FBLN5: variants seen among roughly 807,000 people sequenced by gnomAD.
The protein encoded by FBLN5 is fibulin-5.
In FBLN5, 24 loss-of-function variants were observed where a neutral mutation model predicts 61.6. The observed-to-expected ratio is 0.39, with a 90% confidence interval of 0.28 to 0.55. FBLN5 has a LOEUF of 0.55. Among genes scored for constraint, FBLN5 ranks in the 20% least tolerant of loss-of-function variants. FBLN5 has a pLI of 0.65. For synonymous variants in FBLN5, 213 were observed against 219.8 expected (o/e 0.97, Z 0.27); for missense variants, 470 against 594.1 (o/e 0.79, Z 2.17).
At chr14:91,906,244 C>A (rs2254085) in intron 4 of FBLN5, among the ~76,000 whole-genome samples, 36 of 152,180 alleles carry the variant, frequency 2.4e-4, no homozygotes, top group Admixed American at 4.6e-4. Context: ...CCTCTCCCCA[C>A]GCTTCTACCC....
At chr14:91,916,576 A>G (rs1389652448) in intron 4 of FBLN5, among the ~76,000 whole-genome samples, 3 of 152,222 alleles carry the variant, frequency 2.0e-5, no homozygotes. Context: ...TGGGGGCAGT[A>G]TCAGTACTTG....
chr14:91,894,420 A>AAAAAAAAAAAG, intron 5 of FBLN5, among the ~76,000 whole-genome samples: 2 of 142,452 alleles, frequency 1.4e-5, no homozygotes, highest in Non-Finnish European at 3.1e-5. Context: ...AAAAAAAAAA[A>AAAAAAAAAAAG]AAAAAAACCG....
chr14:91,934,449 G>A (rs2055979348), intron 4 of FBLN5, among the ~76,000 whole-genome samples: 1 of 152,158 alleles, frequency 6.6e-6, no homozygotes, highest in Non-Finnish European at 1.5e-5. Context: ...TGAGGATCAA[G>A]CGCATTAATT....
intron 9 of FBLN5, 44 bp from the exon 10 acceptor site, chr14:91,877,726 AG>A: frequency 6.6e-7 from 1 of 1,520,242 alleles, no homozygotes; most frequent in South Asian, 1.1e-5. Context: ...AATCCATTCC[AG>A]GTGCTGGCTG....
chr14:91,925,265 C>G (rs1473255611), intron 4 of FBLN5, among the ~76,000 whole-genome samples: 1 of 152,250 alleles, frequency 6.6e-6, no homozygotes, highest in African/African-American at 2.4e-5. Flanking sequence ...TGGCTGCCTG[C>G]AGCAGGGCCC....
intron 4 of FBLN5, among the ~76,000 whole-genome samples, chr14:91,926,583 A>G (rs748600448): frequency 1.3e-5 from 2 of 152,120 alleles, no homozygotes; most frequent in Non-Finnish European, 2.9e-5. Context: ...TCAAGACATG[A>G]TCACGAATTG....
chr14:91,944,319 G>C (rs2056152000), intron 1 of FBLN5, among the ~76,000 whole-genome samples: 1 of 152,226 alleles, frequency 6.6e-6, no homozygotes, highest in Admixed American at 6.5e-5. Context: ...CAAGCGTTAG[G>C]GAGGATGTGG....
chr14:91,895,347 C>T (rs1890178682), intron 4 of FBLN5, among the ~76,000 whole-genome samples: 1 of 152,224 alleles, frequency 6.6e-6, no homozygotes, highest in African/African-American at 2.4e-5. Context: ...TATGCCATTG[C>T]TCTTTGAAGG....
chr14:91,942,882 TA>T, intron 2 of FBLN5, 24 bp downstream of exon 2: 1 of 1,451,852 alleles, frequency 6.9e-7, no homozygotes, highest in South Asian at 1.2e-5. Context: ...CGCTTGTAGA[TA>T]TTTTTTAAAA....
chr14:91,889,591 C>T (rs1889891828), intron 6 of FBLN5, among the ~76,000 whole-genome samples: 1 of 152,234 alleles, frequency 6.6e-6, no homozygotes, highest in Admixed American at 6.5e-5. Context: ...AAACACCTGC[C>T]TGCTGACCTC....
chr14:91,925,186 T>C (rs994177827), intron 4 of FBLN5, among the ~76,000 whole-genome samples: 9 of 152,352 alleles, frequency 5.9e-5, no homozygotes, highest in African/African-American at 1.9e-4. Context: ...TCAGACAGCA[T>C]TGACAAGACC....
chr14:91,945,443 C>G (rs1307461223), intron 1 of FBLN5, among the ~76,000 whole-genome samples: 1 of 152,108 alleles, frequency 6.6e-6, no homozygotes, highest in Non-Finnish European at 1.5e-5. Context: ...AAAGAAATAC[C>G]TATTGGGTGC....
At chr14:91,918,864 C>T (rs2055674966) in intron 4 of FBLN5, among the ~76,000 whole-genome samples, 1 of 152,094 alleles carries the variant, frequency 6.6e-6, no homozygotes, top group Admixed American at 6.5e-5. Flanking sequence ...GTAAGTGGCA[C>T]AAGCACATTC....
chr14:91,899,577 G>T (rs1890373924), intron 4 of FBLN5, among the ~76,000 whole-genome samples: 1 of 152,280 alleles, frequency 6.6e-6, no homozygotes, highest in Admixed American at 6.5e-5. Context: ...TGAAACAACT[G>T]CTCACTTAGG....
chr14:91,945,111 G>A (rs1418086922), intron 1 of FBLN5, among the ~76,000 whole-genome samples: 1 of 151,812 alleles, frequency 6.6e-6, no homozygotes, highest in Non-Finnish European at 1.5e-5. Context: ...GGCGCCTGTA[G>A]TCCCAGCTAC....
intron 4 of FBLN5, among the ~76,000 whole-genome samples, chr14:91,922,295 A>T (rs1412378889): frequency 6.8e-6 from 1 of 147,936 alleles, no homozygotes; most frequent in Non-Finnish European, 1.5e-5. Flanking sequence ...TCTGTCTCAA[A>T]AATAATAATA....
chr14:91,895,759 C>T (rs1449517509), intron 4 of FBLN5, among the ~76,000 whole-genome samples: 1 of 136,484 alleles, frequency 7.3e-6, no homozygotes, highest in Non-Finnish European at 1.5e-5. Flanking sequence ...GATCGCACGA[C>T]TTCACTCCAA....
intron 4 of FBLN5, among the ~76,000 whole-genome samples, chr14:91,935,446 G>A (rs987632925): frequency 6.6e-6 from 1 of 152,198 alleles, no homozygotes; most frequent in African/African-American, 2.4e-5. Context: ...CTCAAGACAC[G>A]TAAGGGCTGA....
chr14:91,885,308 T>A (rs966382), intron 7 of FBLN5, among the ~76,000 whole-genome samples: 107,487 of 152,128 alleles, frequency 0.71, 38,563 homozygotes, highest in East Asian at 0.84. Flanking sequence ...CAAATCGGCA[T>A]GGATGTAAGC....
Sources: allele counts gnomAD v4.1 joint callset (sites outside exome capture counted in the v4.1 genomes callset), GRCh38; gene constraint gnomAD v4.1.1; transcripts MANE v1.5; gene names NCBI Gene and HGNC (gene_info 2026-07-23, HGNC 2026-07-21).